The following TRAK1 variants were observed in gnomAD, a reference collection of about 807,000 sequenced individuals.
The protein encoded by TRAK1 is trafficking kinesin protein 1.
Under a neutral mutation model 92.1 loss-of-function variants are expected in TRAK1, and 33 were observed. The observed-to-expected ratio is 0.36, with a 90% CI of 0.27 to 0.48. TRAK1 has a LOEUF of 0.48. Ranked by LOEUF, TRAK1 falls within the 20% of genes least tolerant of loss-of-function variation. TRAK1 has a pLI of 0.99. For missense variants in TRAK1, 1,123 were observed against 1,257.9 expected, an observed-to-expected ratio of 0.89 and a Z score of 1.62; for synonymous variants, 521 against 517.3, an observed-to-expected ratio of 1.01 and a Z score of -0.10.
chr3:42,194,987 T>G, intron 10 of TRAK1, 46 bp downstream of exon 10: 1 of 1,605,556 alleles, frequency 6.2e-7, no homozygotes, highest in African/African-American at 1.3e-5. Context: ...GGGGTTCTGG[T>G]GACAGGAGCA....
intron 2 of TRAK1, 65 bp downstream of exon 2, chr3:42,125,679 C>T (rs543525792): frequency 1.3e-6 from 2 of 1,553,164 alleles, no homozygotes; most frequent in African/African-American, 1.4e-5. Flanking sequence ...GCCATGGCCC[C>T]AAATAAGATC....
intron 1 of TRAK1, among the ~76,000 whole-genome samples, chr3:42,103,044 C>T (rs193055685): frequency 1.3e-5 from 2 of 152,294 alleles, no homozygotes; most frequent in East Asian, 3.9e-4. Flanking sequence ...TGGGGTTGTG[C>T]AATTATCACC....
chr3:42,213,043 T>C (rs185990568), intron 14 of TRAK1, among the ~76,000 whole-genome samples: 7 of 149,876 alleles, frequency 4.7e-5, no homozygotes, highest in African/African-American at 9.8e-5. Context: ...CATGTCCTAA[T>C]TGGAGCTGAG....
intron 1 of TRAK1, among the ~76,000 whole-genome samples, chr3:42,121,003 G>A (rs1365208147): frequency 6.6e-6 from 1 of 152,164 alleles, no homozygotes; most frequent in Non-Finnish European, 1.5e-5. Context: ...AGCATTTCAA[G>A]TGCACCCTCC....
chr3:42,187,179 A>G (rs550379030), intron 4 of TRAK1, among the ~76,000 whole-genome samples: 1 of 152,138 alleles, frequency 6.6e-6, no homozygotes, highest in Non-Finnish European at 1.5e-5. Context: ...AGCATTGAGC[A>G]CGGAACGAGG....
At chr3:42,108,750 A>G (rs898052758) in intron 1 of TRAK1, among the ~76,000 whole-genome samples, 1 of 152,150 alleles carries the variant, frequency 6.6e-6, no homozygotes, top group Admixed American at 6.5e-5. Context: ...AAAAGACAGC[A>G]AAGTGATGAA....
At position 42,202,655 on chromosome 3, in the gene TRAK1, G is replaced by A. The variant is rs1451267548; in HGVS notation, c.1647G>A (p.Thr549=). 9 of 1,612,846 alleles carry A rather than the reference G, an allele frequency of 5.6e-6. No individual in the cohort carries two copies. The highest frequency in any genetic ancestry group is 1.3e-5 in the African/African-American group (1 of 74,906). The part of the protein sequence containing the change: ...TPTESIMSLG[T]HSRFSEFTGF... ...CTGAGAGCATCATGTCCCTGGGCACGCACTCCCGCTTCTCCGAGTTCACCG... is the reference window on the plus strand; with the variant it reads ...CTGAGAGCATCATGTCCCTGGGCACACACTCCCGCTTCTCCGAGTTCACCG... Residue 549 remains threonine, a synonymous_variant, in exon 13 of 16, where the codon ACG becomes ACA. Transcript: ENST00000327628. The surrounding 1 kb of genome is among the most constrained non-coding windows in gnomAD (Gnocchi z 6.1).
intron 4 of TRAK1, chr3:42,185,051 C>G (rs191356965): frequency 8.6e-6 from 4 of 465,732 alleles, no homozygotes; most frequent in African/African-American, 1.9e-5. Context: ...TGGCTAAGGG[C>G]GGGCATGGTC....
chr3:42,079,474 C>CTTTTTTT lies in TRAK1; in HGVS notation c.-518-7628_-518-7627insTTTTTTT, dbSNP rs374173062. 3.8e-3 allele frequency among the ~76,000 whole-genome samples: 512 copies of CTTTTTTT among 133,860 alleles called. 2 individuals are homozygous for CTTTTTTT. The highest frequency in any genetic ancestry group is 5.6e-3 in the Non-Finnish European group (359 of 63,688). The allele number at this position is 133,860 out of a possible 152,430, so 87.8% of individuals were successfully genotyped here. A position where few individuals can be genotyped will look rare whatever the true frequency, so the allele number is the denominator to read the frequency against. ...GAGTTTGTCGTGAAGGAAGCTCCTTCTTCTTTTTTTTTTTTTTTTGTTTTG... is the reference window on the plus strand; with the variant it reads ...GAGTTTGTCGTGAAGGAAGCTCCTTCTTTTTTTTTCTTTTTTTTTTTTTTTTGTTTTG... On this transcript the variant is annotated intron_variant, in intron 1 of 16. Coordinates refer to the TRAK1 transcript ENST00000487159.
intron 2 of TRAK1, among the ~76,000 whole-genome samples, chr3:42,173,469 AAGTT>A (rs1344600941): frequency 1.3e-5 from 2 of 152,084 alleles, no homozygotes; most frequent in African/African-American, 4.8e-5. Context: ...TAAAACCTAG[AAGTT>A]AGTTGGTGGC....
chr3:42,194,652 T>A (rs1224153404), intron 9 of TRAK1, 152 bp from the exon 10 acceptor site: 1 of 816,488 alleles, frequency 1.2e-6, no homozygotes, highest in Admixed American at 3.0e-5. Flanking sequence ...CTTTGAAAAT[T>A]CTGTTATTTG....
rs1274723868 is a variant in TRAK1 at position 42,060,326 on chromosome 3, C to T, written c.-518-26778C>T. Among the ~76,000 whole-genome samples the T allele has an allele frequency of 2.1e-5, 3 of 145,276 alleles. No homozygotes were observed. The Admixed American group carries it at 2.1e-4, about 10-fold the overall frequency. ...TGAAAAAAGACAGAGATGGCTACAG[C>T]ACCACGGTGGGGGGTGGGGGGTGGT... On this transcript the variant is annotated intron_variant, in intron 1 of 16. Transcript: ENST00000487159.
chr3:42,188,720 C>T (rs1441012963), intron 5 of TRAK1, among the ~76,000 whole-genome samples: 1 of 152,222 alleles, frequency 6.6e-6, no homozygotes, highest in South Asian at 2.1e-4. Context: ...AGAGTACTTA[C>T]AAATGCATTG....
chr3:42,183,971 C>T (rs1704418110), intron 3 of TRAK1, among the ~76,000 whole-genome samples: 1 of 152,136 alleles, frequency 6.6e-6, no homozygotes, highest in South Asian at 2.1e-4. Flanking sequence ...GCCATCAGCT[C>T]AGCTAACAGA....
Position 42,149,393 on chromosome 3 carries a change from G to A in TRAK1, c.286+23779G>A, listed in dbSNP as rs1230600539. The A allele has an allele frequency of 3.4e-6, 5 of 1,453,044 alleles. No individual in the cohort carries two copies. In the South Asian group the frequency reaches 4.4e-5, roughly 13 times the overall value. 90.0% of individuals were successfully genotyped at this position (1,453,044 alleles called of 1,614,324 possible). The stretch of plus-strand genomic sequence containing the variant: ...TTTACTGTTTTGGCTCCAGACTGTC[G>A]TTAAGAATGTACAGCCTAATTCTGG... On this transcript the variant is annotated intron_variant, in intron 2 of 15. Transcript: ENST00000327628.
intron 1 of TRAK1, among the ~76,000 whole-genome samples, chr3:42,109,121 G>T (rs1707991867): frequency 6.6e-6 from 1 of 152,130 alleles, no homozygotes; most frequent in Admixed American, 6.5e-5. Context: ...CAACTTCTCT[G>T]TGCTGTAGTG....
intron 2 of TRAK1, among the ~76,000 whole-genome samples, chr3:42,151,162 A>G (rs1445079782): frequency 1.3e-5 from 2 of 152,196 alleles, no homozygotes; most frequent in Non-Finnish European, 2.9e-5. Context: ...AGCTCTGTGG[A>G]TGCCATCCTA....
At chr3:42,105,384 G>A (rs1396954665) in intron 1 of TRAK1, among the ~76,000 whole-genome samples, 1 of 152,244 alleles carries the variant, frequency 6.6e-6, no homozygotes, top group African/African-American at 2.4e-5. Flanking sequence ...ACAAGCTTCA[G>A]TAGCCGATTT....
chr3:42,110,063 C>T (rs992933256), intron 1 of TRAK1, among the ~76,000 whole-genome samples: 12 of 136,822 alleles, frequency 8.8e-5, no homozygotes, highest in Non-Finnish European at 1.5e-4. Flanking sequence ...AGCAAACCTG[C>T]ACGTTGTGCA....
Sources: gnomAD v4.1 joint callset for allele counts (sites outside exome capture counted in the v4.1 genomes callset) on GRCh38, gnomAD v4.1.1 for gene constraint, Gnocchi (gnomAD v3.1) non-coding constraint, MANE v1.5 for transcripts, NCBI Gene and HGNC (gene_info 2026-07-23, HGNC 2026-07-21) for gene names.